The following FREM3 variants were observed in gnomAD, a reference collection of about 807,000 sequenced individuals.
The protein encoded by FREM3 is FRAS1 related extracellular matrix 3, also known as FRAS1-related extracellular matrix protein 3.
In FREM3, 105 loss-of-function variants were observed where a neutral mutation model predicts 129.1. The ratio of observed to expected loss-of-function variants is 0.81; its 90% CI spans 0.69 to 0.96. The LOEUF is 0.96. Ranked by LOEUF, FREM3 falls within the 40% of genes least tolerant of loss-of-function variation. The probability of loss-of-function intolerance (pLI) is 0.00; values close to 1 mark genes in which losing one functional copy is unlikely to be tolerated. For missense variants in FREM3, 2,593 were observed against 2,666.3 expected (o/e 0.97, Z 0.61); for synonymous variants, 1,014 against 1,044.9 (o/e 0.97, Z 0.57).
intron 1 of FREM3, among the ~76,000 whole-genome samples, chr4:143,694,283 A>G (rs1230835758): frequency 6.6e-6 from 1 of 152,192 alleles, no homozygotes; most frequent in East Asian, 1.9e-4. Flanking sequence ...AGCCAGGTCT[A>G]TTTGGTTTTG....
intron 2 of FREM3, among the ~76,000 whole-genome samples, chr4:143,667,016 C>A (rs2149854582): frequency 6.6e-6 from 1 of 152,032 alleles, no homozygotes; most frequent in Admixed American, 6.5e-5. Context: ...AAAATTATTA[C>A]CAAAATTTAA....
At position 143,693,189 on chromosome 4, in the gene FREM3, C is replaced by T. The variant is rs756996142; in HGVS notation, c.5199G>A (p.Glu1733=). 4 of 1,499,082 alleles carry T rather than the reference C, an allele frequency of 2.7e-6. No homozygotes were observed. Among genetic ancestry groups the T allele is most frequent in the Non-Finnish European group, 3.6e-6 (4 of 1,124,498 alleles). 92.9% of individuals were successfully genotyped at this position (1,499,082 alleles called of 1,614,324 possible). ...TRVFTQADID[E]MKISYVLNEG... ...CATTCAAGACATAGGATATCTTCATCTCATCAATGTCAGCTAAAAAAAAAG... is the reference window on the plus strand; with the variant it reads ...CATTCAAGACATAGGATATCTTCATTTCATCAATGTCAGCTAAAAAAAAAG... The change falls in exon 2 of 8, where the codon GAG becomes GAA. Residue 1733 remains glutamate (E), a synonymous_variant. Transcript: ENST00000329798.
intron 2 of FREM3, among the ~76,000 whole-genome samples, chr4:143,648,281 G>A (rs773336650): frequency 2.6e-5 from 4 of 152,200 alleles, no homozygotes; most frequent in Non-Finnish European, 4.4e-5. Context: ...TAGGCAGAAG[G>A]GATTTGCCTT....
At chr4:143,685,023 AGAAT>A (rs1740333792) in intron 2 of FREM3, among the ~76,000 whole-genome samples, 1 of 152,162 alleles carries the variant, frequency 6.6e-6, no homozygotes, top group South Asian at 2.1e-4. Context: ...AACAAACCTA[AGAAT>A]AATCGGTGTT....
intron 2 of FREM3, among the ~76,000 whole-genome samples, chr4:143,649,948 C>T (rs921607769): frequency 1.1e-4 from 16 of 152,220 alleles, no homozygotes; most frequent in African/African-American, 3.6e-4. Flanking sequence ...TCTACTCTTA[C>T]AGTTTGGGTT....
rs575631206 is a variant in FREM3, at chr4:143,664,873, G to T, written c.5275+28240C>A. The stretch of plus-strand genomic sequence containing the variant: ...TGCTAGCAATCAGCGAGACTCCGTG[G>T]GCGTAGGACCCTCCAAGTCAGGTGC... On this transcript the variant is annotated intron_variant, in intron 2 of 7. Coordinates refer to ENST00000329798, the MANE Select transcript of FREM3 (RefSeq NM_001168235.2). Among the ~76,000 whole-genome samples the T allele has an allele frequency of 1.3e-4, 20 of 152,156 alleles. 1 individual carries two copies. Among genetic ancestry groups the T allele is most frequent in the Non-Finnish European group, 2.5e-4 (17 of 68,016 alleles).
intron 6 of FREM3, among the ~76,000 whole-genome samples, chr4:143,608,975 C>A (rs2149838809): frequency 1.3e-5 from 2 of 152,212 alleles, no homozygotes; most frequent in African/African-American, 2.4e-5. Flanking sequence ...CAGGATGCAT[C>A]ATTTTTGTGT....
In FREM3 at chr4:143,595,859, G is replaced by A. The variant is rs191513817; in HGVS notation, c.6029-9866C>T. ...GCTGAGATCACGCCACTGCACTCCAGTCTGGGCGACAGAGCGAGACGCCAT... is the reference window on the plus strand; with the variant it reads ...GCTGAGATCACGCCACTGCACTCCAATCTGGGCGACAGAGCGAGACGCCAT... On this transcript the variant is annotated intron_variant, in intron 6 of 7. Transcript: ENST00000329798. Among the ~76,000 whole-genome samples the A allele has an allele frequency of 5.2e-3, 736 of 142,680 alleles. 8 individuals carry two copies. Among genetic ancestry groups the A allele is most frequent in the African/African-American group, 0.018 (695 of 38,252 alleles). The allele number at this position is 142,680 out of a possible 152,430, so 93.6% of individuals were successfully genotyped here. A position where few individuals can be genotyped will look rare whatever the true frequency, so the allele number is the denominator to read the frequency against.
chr4:143,666,118 A>T (rs997388252), intron 2 of FREM3, among the ~76,000 whole-genome samples: 1 of 152,118 alleles, frequency 6.6e-6, no homozygotes, highest in Non-Finnish European at 1.5e-5. Flanking sequence ...TGTCTTAGAT[A>T]AAATAGAAGA....
intron 7 of FREM3, among the ~76,000 whole-genome samples, chr4:143,579,882 C>CACT (rs1738101802): frequency 6.6e-6 from 1 of 152,176 alleles, no homozygotes; most frequent in African/African-American, 2.4e-5. Context: ...ACCCATGAAT[C>CACT]ACTATCCCAA....
chr4:143,589,318 G>A (rs1173445201), intron 6 of FREM3, among the ~76,000 whole-genome samples: 1 of 152,172 alleles, frequency 6.6e-6, no homozygotes, highest in African/African-American at 2.4e-5. Flanking sequence ...CCTTGCCCAT[G>A]CCTATGTCCT....
At chr4:143,597,571 T>C (rs1738505383) in intron 6 of FREM3, among the ~76,000 whole-genome samples, 1 of 152,214 alleles carries the variant, frequency 6.6e-6, no homozygotes, top group Admixed American at 6.5e-5. Context: ...TTCAGTACAG[T>C]TGCAAAATAC....
chr4:143,682,866 T>C (rs1437138545), intron 2 of FREM3, among the ~76,000 whole-genome samples: 1 of 152,192 alleles, frequency 6.6e-6, no homozygotes, highest in African/African-American at 2.4e-5. Flanking sequence ...TCTATGAATA[T>C]GTTGCATGGC....
At chr4:143,660,312 T>C (rs1739686936) in intron 2 of FREM3, among the ~76,000 whole-genome samples, 1 of 152,138 alleles carries the variant, frequency 6.6e-6, no homozygotes, top group African/African-American at 2.4e-5. Context: ...GGCTAGCCAG[T>C]TTTCCCAGCA....
rs543224836 is a variant in FREM3 at position 143,674,416 on chromosome 4, G to A, written c.5275+18697C>T. Among the ~76,000 whole-genome samples, 7 of 152,140 alleles carry A rather than the reference G, an allele frequency of 4.6e-5. No individual in the cohort carries two copies. In the South Asian group the frequency reaches 8.3e-4, roughly 18 times the overall value. On this transcript the variant is annotated intron_variant, in intron 2 of 7. Coordinates refer to ENST00000329798, the MANE Select transcript of FREM3 (RefSeq NM_001168235.2). ...GCGCTAAACATGGAAGGGAACAACC[G>A]GTACCAGCCACTGCAAAAACATGCC...
chr4:143,624,087 A>G (rs1021370626), intron 4 of FREM3, 21 bp downstream of exon 4: 6 of 1,373,592 alleles, frequency 4.4e-6, no homozygotes, highest in Non-Finnish European at 6.0e-6. Flanking sequence ...TTAATAAAGC[A>G]AATCAATCAG....
At position 143,694,565 on chromosome 4, in the gene FREM3, G is replaced by A. The variant is rs138973326; in HGVS notation, c.5185+926C>T. Among the ~76,000 whole-genome samples the A allele has an allele frequency of 7.2e-3, 1,100 of 152,196 alleles. 20 individuals are homozygous for A. Among genetic ancestry groups the A allele is most frequent in the African/African-American group, 0.025 (1,026 of 41,528 alleles). On this transcript the variant is annotated intron_variant, in intron 1 of 7. Transcript: ENST00000329798. Reference sequence around the variant, plus strand: ...GAATAATTCTTATAGAACCACATATGATTTTATTGTTTAAAGTTTATATAA... The same window carrying A: ...GAATAATTCTTATAGAACCACATATAATTTTATTGTTTAAAGTTTATATAA...
intron 6 of FREM3, among the ~76,000 whole-genome samples, chr4:143,592,378 C>CT (rs1234307410): frequency 6.6e-6 from 1 of 151,256 alleles, no homozygotes; most frequent in Non-Finnish European, 1.5e-5. Flanking sequence ...GTGGCTGGTA[C>CT]TGGTTGTTCC....
intron 2 of FREM3, among the ~76,000 whole-genome samples, chr4:143,651,459 CT>C (rs1739508310): frequency 1.3e-5 from 2 of 152,228 alleles, no homozygotes; most frequent in African/African-American, 2.4e-5. Flanking sequence ...CAGAGTTTCA[CT>C]GGCAAGCACT....
Sources: allele counts gnomAD v4.1 joint callset (sites outside exome capture counted in the v4.1 genomes callset), GRCh38; gene constraint gnomAD v4.1.1; transcripts MANE v1.5; gene names NCBI Gene and HGNC (gene_info 2026-07-23, HGNC 2026-07-21).